The following ZNF254 variants were observed in gnomAD, a reference collection of about 807,000 sequenced individuals.
ZNF254 encodes the protein CTD-2017D11.1.
In ZNF254, 10 loss-of-function variants were observed where a neutral mutation model predicts 12.4. The observed-to-expected ratio is 0.80, with a 90% CI of 0.50 to 1.36. ZNF254 has a LOEUF of 1.36. Among genes scored for constraint, ZNF254 ranks in the 40% most tolerant of loss-of-function variants. ZNF254 has a pLI of 0.00. For synonymous variants in ZNF254, 305 were observed against 253.4 expected (o/e 1.20, Z -1.93); for missense variants, 996 against 763.9 (o/e 1.30, Z -3.58).
intron 2 of ZNF254, among the ~76,000 whole-genome samples, chr19:24,063,305 ATT>A (rs1971145257): frequency 6.6e-6 from 1 of 152,110 alleles, no homozygotes; most frequent in Admixed American, 6.5e-5. Context: ...CATCTGAGTT[ATT>A]TGTCTTTTCC....
chr19:24,034,639 G>A (rs1396351852), intron 1 of ZNF254, among the ~76,000 whole-genome samples: 3 of 151,544 alleles, frequency 2.0e-5, no homozygotes, highest in Non-Finnish European at 4.4e-5. Context: ...CTACAAGCAG[G>A]CGACCCGACG....
intron 3 of ZNF254, among the ~76,000 whole-genome samples, chr19:24,113,434 C>A (rs1026595518): frequency 6.6e-6 from 1 of 152,002 alleles, no homozygotes. Flanking sequence ...AAGACAAAAA[C>A]CACATGATTA....
rs549796117 is a variant in ZNF254 at position 24,115,198 on chromosome 19, T to A, written c.253+8555T>A. The stretch of plus-strand genomic sequence containing the variant: ...GGGTAGATACCCAAAGGACTATAAA[T>A]CATGCTGCTATAAAGACACATGCAC... On this transcript the variant is annotated intron_variant, in intron 3 of 3. Transcript: ENST00000357002. 1.2e-4 allele frequency among the ~76,000 whole-genome samples: 18 copies of A among 152,070 alleles called. 2 individuals are homozygous for A. Among genetic ancestry groups the A allele is most frequent in the African/African-American group, 4.4e-4 (18 of 41,356 alleles).
chr19:24,058,007 G>A lies in ZNF254; in HGVS notation c.-94+11728G>A, dbSNP rs377309921. 2.5e-4 allele frequency among the ~76,000 whole-genome samples: 38 copies of A among 152,254 alleles called. 1 individual carries two copies. The South Asian group carries it at 5.4e-3, about 22-fold the overall frequency. ...ACTGGCCCAGCCTACAAATAGGATTGTGCCACACTGCTGGACCCAGCACCT... is the reference window on the plus strand; with the variant it reads ...ACTGGCCCAGCCTACAAATAGGATTATGCCACACTGCTGGACCCAGCACCT... On this transcript the variant is annotated intron_variant, in intron 2 of 4. Transcript: ENST00000613065.
chr19:24,095,956 G>A (rs1972643361), intron 1 of ZNF254, among the ~76,000 whole-genome samples: 1 of 151,576 alleles, frequency 6.6e-6, no homozygotes, highest in Admixed American at 6.6e-5. Context: ...GTTGTAAAAT[G>A]AAGATCTTTC....
chr19:24,092,938 C>T (rs1599689942), intron 1 of ZNF254, among the ~76,000 whole-genome samples: 1 of 152,176 alleles, frequency 6.6e-6, no homozygotes, highest in South Asian at 2.1e-4. Flanking sequence ...AGTGTATAAG[C>T]GTTCCCTTTT....
At position 24,087,264 on chromosome 19, in the gene ZNF254, T is replaced by A. The variant is rs1304602804; in HGVS notation, c.-44T>A. The A allele has an allele frequency of 1.9e-6, 3 of 1,612,392 alleles. No homozygotes were observed. Among genetic ancestry groups the A allele is most frequent in the South Asian group, 1.1e-5 (1 of 91,064 alleles). ...GTCCTCTGCTCCTAGAGGCCCAGCC[T>A]CTGTGGCGCTGTTACCAGCAGGTAT... On this transcript the variant is annotated 5_prime_UTR_variant, in exon 1 of 4. Transcript: ENST00000357002.
rs1555753129 is a variant in ZNF254 at position 24,055,232 on chromosome 19, A to AAAAAAAAAAAAAAAAG, written c.-94+8953_-94+8954insAAAAAAAAAAAAAAAG. 5.7e-3 allele frequency among the ~76,000 whole-genome samples: 693 copies of AAAAAAAAAAAAAAAAG among 122,592 alleles called. 63 individuals are homozygous for AAAAAAAAAAAAAAAAG. The highest frequency in any genetic ancestry group is 8.9e-3 in the Non-Finnish European group (491 of 55,404). The allele number at this position is 122,592 out of a possible 152,430, so 80.4% of individuals were successfully genotyped here. ...AAAAAAAAAAAAAAAAAAAAAAAAAAGAGTGTACTAACAAGACCCAGCACA... is the reference window on the plus strand; with the variant it reads ...AAAAAAAAAAAAAAAAAAAAAAAAAAAAAAAAAAAAAAAAAGGAGTGTACTAACAAGACCCAGCACA... On this transcript the variant is annotated intron_variant, in intron 2 of 4. Transcript: ENST00000613065.
chr19:24,109,727 T>A, intron 3 of ZNF254, among the ~76,000 whole-genome samples: 1 of 151,202 alleles, frequency 6.6e-6, no homozygotes, highest in African/African-American at 2.4e-5. Flanking sequence ...TTTCTTTTTT[T>A]TTTTTTTGAG....
At chr19:24,034,872 C>T (rs895682517) in intron 1 of ZNF254, among the ~76,000 whole-genome samples, 2 of 151,846 alleles carry the variant, frequency 1.3e-5, no homozygotes, top group Non-Finnish European at 2.9e-5. Flanking sequence ...CAGCCTCCGC[C>T]TCCCGGGTTC....
chr19:24,078,535 GTCC>G (rs1176573800), intron 2 of ZNF254: 3 of 152,234 alleles, frequency 2.0e-5, no homozygotes, highest in Non-Finnish European at 4.4e-5. Flanking sequence ...ACTTAAATCT[GTCC>G]TCCTCTTGGC....
At chr19:24,038,112 T>C (rs1291280436) in intron 1 of ZNF254, among the ~76,000 whole-genome samples, 1 of 152,228 alleles carries the variant, frequency 6.6e-6, no homozygotes, top group Non-Finnish European at 1.5e-5. Context: ...AACTGCTAAA[T>C]AGGCTTTTTG....
chr19:24,034,420 T>A (rs906152462), intron 1 of ZNF254, among the ~76,000 whole-genome samples: 1 of 151,454 alleles, frequency 6.6e-6, no homozygotes, highest in African/African-American at 2.4e-5. Context: ...TTTCTGGGAA[T>A]AGAGTTATTG....
chr19:24,055,906 C>T (rs1482288091), intron 2 of ZNF254, among the ~76,000 whole-genome samples: 4 of 152,102 alleles, frequency 2.6e-5, no homozygotes, highest in Non-Finnish European at 4.4e-5. Flanking sequence ...TACCTAAAAC[C>T]GGAACATGTG....
At position 24,074,161 on chromosome 19, in the gene ZNF254, G is replaced by T. The variant is rs186393286; in HGVS notation, c.-94+27882G>T. On this transcript the variant is annotated intron_variant, in intron 2 of 4. Transcript: ENST00000613065. Reference sequence around the variant, plus strand: ...GCATCCAGGTGATGTAACTCTCTTTGCTGGGTTCTGCCTAAAGGAAGCATT... The same window carrying T: ...GCATCCAGGTGATGTAACTCTCTTTTCTGGGTTCTGCCTAAAGGAAGCATT... Among the ~76,000 whole-genome samples, 608 of 152,272 alleles carry T rather than the reference G, an allele frequency of 4.0e-3. 5 individuals carry two copies. The highest frequency in any genetic ancestry group is 0.019 in the South Asian group (93 of 4,826).
chr19:24,127,518 T>C lies in ZNF254; in HGVS notation c.1518T>C (p.Thr506=). The C allele has an allele frequency of 6.2e-7, 1 of 1,613,574 alleles. No homozygotes were observed. Residue 506 remains threonine (T), a synonymous_variant, in exon 4 of 4, where the codon ACT becomes ACC. Transcript: ENST00000357002. ...CTTTTAGCCAATCCTCAACCCTTACTACACATAAGATAATTCATACTGGAG... is the reference window on the plus strand; with the variant it reads ...CTTTTAGCCAATCCTCAACCCTTACCACACATAAGATAATTCATACTGGAG... ...GKSFSQSSTL[T]THKIIHTGEK... is the part of the protein sequence containing the mutation.
intron 3 of ZNF254, among the ~76,000 whole-genome samples, chr19:24,111,059 G>A (rs1033332162): frequency 1.7e-4 from 26 of 151,596 alleles, no homozygotes; most frequent in East Asian, 9.7e-4. Flanking sequence ...CCATTAGCTC[G>A]TCATTTACCA....
Position 24,126,459 on chromosome 19 carries a change from A to G in ZNF254, c.459A>G (p.Val153=), listed in dbSNP as rs1200536471. The change falls in exon 4 of 4, where the codon GTA becomes GTG. Residue 153 remains valine, a synonymous_variant. Coordinates refer to ENST00000357002, the MANE Select transcript of ZNF254 (RefSeq NM_203282.4). ...NQCFTTAQSK[V]FQCDKYLKVF... is the part of the protein sequence containing the mutation. ...GTTTCACAACTGCCCAGAGCAAAGT[A>G]TTTCAATGTGATAAATATTTGAAAG... 1.3e-6 allele frequency: 2 copies of G among 1,591,838 alleles called. No homozygotes were observed. Among genetic ancestry groups the G allele is most frequent in the African/African-American group, 2.7e-5 (2 of 73,514 alleles).
chr19:24,105,300 T>C (rs997775566), intron 1 of ZNF254: 3 of 170,344 alleles, frequency 1.8e-5, no homozygotes. Context: ...TTTCTTTACA[T>C]TTATTTTTCT....
Sources: allele counts gnomAD v4.1 joint callset (sites outside exome capture counted in the v4.1 genomes callset), GRCh38; gene constraint gnomAD v4.1.1; transcripts MANE v1.5; gene names NCBI Gene and HGNC (gene_info 2026-07-23, HGNC 2026-07-21).